Variants in TTC23L observed in about 807,000 individuals in gnomAD.
TTC23L encodes the protein tetratricopeptide repeat domain 23 like.
A neutral mutation model predicts 48.1 loss-of-function variants in TTC23L; 42 were observed. The ratio of observed to expected loss-of-function variants is 0.87; its 90% CI spans 0.68 to 1.13. The LOEUF is 1.13. Among genes scored for constraint, TTC23L ranks in the 50% most tolerant of loss-of-function variants. TTC23L has a pLI of 0.00. For synonymous variants in TTC23L, 159 were observed against 157.2 expected (o/e 1.01, Z -0.09); for missense variants, 391 against 421.0 (o/e 0.93, Z 0.62).
chr5:34,862,775 AACCAATGCTATAG>A (rs1479274248), intron 4 of TTC23L, 110 bp from the exon 5 acceptor site: 1 of 1,138,392 alleles, frequency 8.8e-7, no homozygotes, highest in African/African-American at 1.6e-5. Flanking sequence ...CAGATTTAGG[AACCAATGCTATAG>A]ACCATACGAC....
the TTC23L span, chr5:34,909,351 G>A: frequency 1.5e-5 from 24 of 1,589,944 alleles, no homozygotes; most frequent in Non-Finnish European, 2.0e-5. Context: ...TCCAAAAGTA[G>A]ATAACCTATA....
intron 8 of TTC23L, among the ~76,000 whole-genome samples, chr5:34,875,259 C>T (rs910021671): frequency 6.6e-6 from 1 of 152,172 alleles, no homozygotes; most frequent in African/African-American, 2.4e-5. Context: ...CATAGTTGTA[C>T]TCTTCAACAC....
intron 9 of TTC23L, among the ~76,000 whole-genome samples, chr5:34,894,199 TTATAAA>T (rs1763056864): frequency 6.6e-6 from 1 of 152,126 alleles, no homozygotes; most frequent in African/African-American, 2.4e-5. Context: ...AAATATGTAT[TTATAAA>T]TATAAGTATA....
At chr5:34,902,664 A>G (rs941082085), downstream of TTC23L, among the ~76,000 whole-genome samples, 1 of 152,156 alleles carries the variant, frequency 6.6e-6, no homozygotes, top group Non-Finnish European at 1.5e-5. Flanking sequence ...AGCCTTGTCC[A>G]CTGACTGGTA....
chr5:34,908,706 T>G, the TTC23L span: 9 of 1,426,600 alleles, frequency 6.3e-6, no homozygotes, highest in Non-Finnish European at 8.6e-6. Context: ...AGTACTGTAC[T>G]CAGAATAAGA....
chr5:34,840,080 C>T (rs1471596840), intron 1 of TTC23L, among the ~76,000 whole-genome samples: 1 of 152,158 alleles, frequency 6.6e-6, no homozygotes, highest in African/African-American at 2.4e-5. Flanking sequence ...TTAGTAGAGA[C>T]GGGGTTTCAC....
chr5:34,875,864 T>C (rs1474608896), intron 8 of TTC23L, among the ~76,000 whole-genome samples: 1 of 152,100 alleles, frequency 6.6e-6, no homozygotes, highest in East Asian at 1.9e-4. Flanking sequence ...ACATGGAACA[T>C]TCACCATGAT....
At chr5:34,893,140 C>G (rs1018885393) in intron 9 of TTC23L, among the ~76,000 whole-genome samples, 3 of 151,994 alleles carry the variant, frequency 2.0e-5, no homozygotes, top group East Asian at 3.9e-4. Context: ...GATCGAGAAG[C>G]TATATGGAGT....
chr5:34,846,571 A>AAG (rs1759162172), intron 3 of TTC23L, among the ~76,000 whole-genome samples: 1 of 115,182 alleles, frequency 8.7e-6, no homozygotes, highest in East Asian at 2.1e-4. Flanking sequence ...CAAAAAAAAA[A>AAG]AAAAAATATA....
At chr5:34,859,452 C>T (rs538287447) in intron 4 of TTC23L, among the ~76,000 whole-genome samples, 19 of 152,244 alleles carry the variant, frequency 1.2e-4, no homozygotes, top group Admixed American at 3.3e-4. Context: ...TGCTATGGTT[C>T]GAGCATGTCC....
chr5:34,876,888 G>A (rs931989627), intron 8 of TTC23L, among the ~76,000 whole-genome samples: 3 of 152,064 alleles, frequency 2.0e-5, no homozygotes, highest in Non-Finnish European at 4.4e-5. Flanking sequence ...ACCTAATGTA[G>A]ACGACGGGTT....
the TTC23L span, chr5:34,916,223 C>T: frequency 9.9e-6 from 2 of 203,024 alleles, no homozygotes; most frequent in South Asian, 2.6e-4. Flanking sequence ...TAGTGCTTTT[C>T]CTTGGTTATT....
At chr5:34,910,109 A>G in the TTC23L span, among the ~76,000 whole-genome samples, 2 of 152,142 alleles carry the variant, frequency 1.3e-5, no homozygotes, top group Non-Finnish European at 2.9e-5. Flanking sequence ...CCTGAGCACC[A>G]TAACTACATA....
the TTC23L span, among the ~76,000 whole-genome samples, chr5:34,912,603 A>G: frequency 1.3e-5 from 2 of 152,306 alleles, no homozygotes; most frequent in South Asian, 4.1e-4. Flanking sequence ...CCTATGAAAT[A>G]AAATCATTCT....
At chr5:34,842,757 T>C (rs1440911031) in intron 2 of TTC23L, among the ~76,000 whole-genome samples, 1 of 152,236 alleles carries the variant, frequency 6.6e-6, no homozygotes, top group Non-Finnish European at 1.5e-5. Context: ...GCTCACATCC[T>C]GCATTCATGA....
intron 9 of TTC23L, among the ~76,000 whole-genome samples, chr5:34,893,865 C>T (rs182061800): frequency 2.0e-5 from 3 of 152,182 alleles, no homozygotes; most frequent in East Asian, 1.9e-4. Context: ...ACGAAAGACA[C>T]GAGGAGACAC....
chr5:34,897,153 G>A (rs1257967597), intron 10 of TTC23L, among the ~76,000 whole-genome samples: 2 of 152,168 alleles, frequency 1.3e-5, no homozygotes, highest in African/African-American at 4.8e-5. Context: ...CAGAGGCTGA[G>A]GCAGGTGGAT....
chr5:34,850,089 T>A, intron 3 of TTC23L, 96 bp from the exon 4 acceptor site: 1 of 1,373,796 alleles, frequency 7.3e-7, no homozygotes, highest in Non-Finnish European at 1.0e-6. Context: ...AGAAAAAAGA[T>A]GACAGGTGAA....
Position 34,855,739 on chromosome 5 carries a change from G to A in TTC23L, c.379+5431G>A, listed in dbSNP as rs191049538. On this transcript the variant is annotated intron_variant, in intron 4 of 10. Transcript: ENST00000505624. ...CCTTCTAGGGAAAGATCTCTTTAGGGAAAAGAGAATGCACAATGCAGTATG... is the reference window on the plus strand; with the variant it reads ...CCTTCTAGGGAAAGATCTCTTTAGGAAAAAGAGAATGCACAATGCAGTATG... Among the ~76,000 whole-genome samples the A allele has an allele frequency of 3.7e-4, 57 of 152,298 alleles. No homozygotes were observed. The East Asian group carries it at 9.6e-3, about 26-fold the overall frequency.
Sources: allele counts gnomAD v4.1 joint callset (sites outside exome capture counted in the v4.1 genomes callset), GRCh38; gene constraint gnomAD v4.1.1; transcripts MANE v1.5; gene names NCBI Gene and HGNC (gene_info 2026-07-23, HGNC 2026-07-21).